Variants in KIFAP3 observed in about 807,000 individuals in gnomAD.
KIFAP3 encodes kinesin associated protein 3.
In KIFAP3, 68 loss-of-function variants were observed where a neutral mutation model predicts 106.5. The observed-to-expected ratio is 0.64, with a 90% CI of 0.53 to 0.78. The LOEUF is 0.78. Ranked by LOEUF, KIFAP3 falls within the 30% of genes least tolerant of loss-of-function variation. The pLI, the probability that KIFAP3 is intolerant of heterozygous loss-of-function variation, is 0.00. For missense variants in KIFAP3, 780 were observed against 941.8 expected (o/e 0.83, Z 2.25); for synonymous variants, 320 against 311.5 (o/e 1.03, Z -0.29).
chr1:169,994,407 G>T (rs189035163), intron 10 of KIFAP3, among the ~76,000 whole-genome samples: 199 of 152,208 alleles, frequency 1.3e-3, no homozygotes, highest in Admixed American at 3.3e-3. Flanking sequence ...AGGTATAAAA[G>T]ACTGATAAAC....
intron 19 of KIFAP3, among the ~76,000 whole-genome samples, chr1:169,953,177 T>G (rs551249200): frequency 2.6e-5 from 4 of 152,248 alleles, no homozygotes; most frequent in African/African-American, 9.6e-5. Flanking sequence ...TTTAAAAATC[T>G]ATTATATTAT....
intron 9 of KIFAP3, among the ~76,000 whole-genome samples, chr1:170,019,682 C>T (rs1056396139): frequency 6.6e-6 from 1 of 152,078 alleles, no homozygotes; most frequent in East Asian, 1.9e-4. Flanking sequence ...AATAGAAGAA[C>T]TTCCTTAAAC....
intron 1 of KIFAP3, among the ~76,000 whole-genome samples, chr1:170,064,473 C>G (rs1340740279): frequency 6.6e-6 from 1 of 152,162 alleles, no homozygotes; most frequent in Non-Finnish European, 1.5e-5. Flanking sequence ...CCCACCTCCA[C>G]CTTCCAAGTA....
At chr1:170,071,551 G>C (rs963709626) in intron 1 of KIFAP3, among the ~76,000 whole-genome samples, 2 of 152,152 alleles carry the variant, frequency 1.3e-5, no homozygotes, top group African/African-American at 4.8e-5. Flanking sequence ...TTATAACACA[G>C]TGGACAAGAT....
chr1:169,923,999 T>TA (rs397735676), intron 19 of KIFAP3, among the ~76,000 whole-genome samples: 34 of 152,002 alleles, frequency 2.2e-4, no homozygotes, highest in Non-Finnish European at 4.6e-4. Context: ...CCCTTTTTTT[T>TA]ATTTCTACGA....
chr1:170,078,231 T>A (rs1671957423), upstream of KIFAP3, among the ~76,000 whole-genome samples: 1 of 152,132 alleles, frequency 6.6e-6, no homozygotes, highest in Non-Finnish European at 1.5e-5. Flanking sequence ...TTTAAATTTG[T>A]CTGTTTACTC....
chr1:169,989,572 A>G (rs1463273438), intron 11 of KIFAP3, among the ~76,000 whole-genome samples: 3 of 152,178 alleles, frequency 2.0e-5, no homozygotes, highest in East Asian at 1.9e-4. Flanking sequence ...CTACTCTTTT[A>G]TTGAAAACTT....
intron 3 of KIFAP3, chr1:170,041,676 C>T: frequency 6.5e-7 from 1 of 1,534,386 alleles, no homozygotes; most frequent in East Asian, 2.4e-5. Context: ...GCATTACCGA[C>T]CTTCACATAA....
chr1:169,954,260 C>T, intron 18 of KIFAP3, 150 bp from the exon 19 acceptor site: 1 of 601,228 alleles, frequency 1.7e-6, no homozygotes, highest in Non-Finnish European at 2.9e-6. Context: ...TATGAACAGA[C>T]AACTGTATGT....
intron 8 of KIFAP3, among the ~76,000 whole-genome samples, chr1:170,025,288 T>G (rs1669046081): frequency 6.6e-6 from 1 of 152,126 alleles, no homozygotes; most frequent in African/African-American, 2.4e-5. Flanking sequence ...AAAATGATAT[T>G]AATAGATAAT....
chr1:169,986,017 T>C (rs1666811974), intron 11 of KIFAP3, among the ~76,000 whole-genome samples: 1 of 151,878 alleles, frequency 6.6e-6, no homozygotes, highest in Admixed American at 6.6e-5. Context: ...GCCCAAATTG[T>C]TAACAACAAA....
intron 2 of KIFAP3, among the ~76,000 whole-genome samples, chr1:170,050,388 G>A (rs1228679174): frequency 6.6e-6 from 1 of 152,200 alleles, no homozygotes; most frequent in Non-Finnish European, 1.5e-5. Flanking sequence ...GAAAGTGACA[G>A]GGAGAATGGA....
Position 170,073,479 on chromosome 1 carries a change from A to C in KIFAP3, c.32+957T>G, listed in dbSNP as rs1016752698. Among the ~76,000 whole-genome samples the C allele has an allele frequency of 2.6e-5, 4 of 152,232 alleles. No individual in the cohort carries two copies. The East Asian group carries it at 7.7e-4, about 29-fold the overall frequency. On this transcript the variant is annotated intron_variant, in intron 1 of 19. Transcript: ENST00000361580. ...GAATAAAAATATTCACTGCAAGTGTATTATGACTTGAAATAATACCACCAC... is the reference window on the plus strand; with the variant it reads ...GAATAAAAATATTCACTGCAAGTGTCTTATGACTTGAAATAATACCACCAC...
At chr1:170,024,618 G>A in intron 8 of KIFAP3, 22 bp from the exon 9 acceptor site, 4 of 1,418,514 alleles carry the variant, frequency 2.8e-6, no homozygotes, top group African/African-American at 1.5e-5. Context: ...AAATATATGA[G>A]AGATAAAGAA....
At chr1:170,017,917 G>A (rs1025917137) in intron 9 of KIFAP3, among the ~76,000 whole-genome samples, 1 of 152,146 alleles carries the variant, frequency 6.6e-6, no homozygotes, top group African/African-American at 2.4e-5. Flanking sequence ...AATTTGAGAT[G>A]GTACTCAGTG....
intron 10 of KIFAP3, among the ~76,000 whole-genome samples, chr1:169,993,687 C>T (rs115038705): frequency 1.3e-4 from 8 of 60,800 alleles, no homozygotes; most frequent in African/African-American, 4.7e-4. Flanking sequence ...TGCCACTGAA[C>T]GCCAGCCTGG....
chr1:170,017,036 A>C (rs969769337), intron 9 of KIFAP3, among the ~76,000 whole-genome samples: 23 of 152,190 alleles, frequency 1.5e-4, no homozygotes, highest in African/African-American at 5.3e-4. Flanking sequence ...AGGCGGGCAG[A>C]TCACGAGGTC....
intron 10 of KIFAP3, among the ~76,000 whole-genome samples, chr1:170,006,228 CT>C (rs1240762417): frequency 6.6e-6 from 1 of 152,112 alleles, no homozygotes; most frequent in Non-Finnish European, 1.5e-5. Flanking sequence ...ATGTTCCTTC[CT>C]TTCATGTGTT....
intron 9 of KIFAP3, among the ~76,000 whole-genome samples, chr1:170,021,754 A>G (rs897597252): frequency 6.6e-6 from 1 of 151,542 alleles, no homozygotes; most frequent in Non-Finnish European, 1.5e-5. Context: ...ATTAATTTGT[A>G]TTTCTATTGC....
Sources: allele counts gnomAD v4.1 joint callset (sites outside exome capture counted in the v4.1 genomes callset), GRCh38; gene constraint gnomAD v4.1.1; transcripts MANE v1.5; gene names NCBI Gene and HGNC (gene_info 2026-07-23, HGNC 2026-07-21).